Variants in FNIP1 observed in about 807,000 individuals in gnomAD.
FNIP1 encodes folliculin interacting protein 1, also known as folliculin-interacting protein 1.
Under a neutral mutation model 124.5 loss-of-function variants are expected in FNIP1, and 40 were observed. The ratio of observed to expected loss-of-function variants is 0.32; its 90% confidence interval spans 0.25 to 0.42. The LOEUF (loss-of-function observed/expected upper bound fraction) is 0.42. Among genes scored for constraint, FNIP1 ranks in the 10% least tolerant of loss-of-function variants. FNIP1 has a pLI of 1.00. For synonymous variants in FNIP1, 472 were observed against 470.6 expected, an observed-to-expected ratio of 1.00 and a Z score of -0.04; for missense variants, 1,176 against 1,403.7, an observed-to-expected ratio of 0.84 and a Z score of 2.59.
chr5:131,781,818 T>A (rs1215467850), intron 1 of FNIP1, among the ~76,000 whole-genome samples: 1 of 152,030 alleles, frequency 6.6e-6, no homozygotes, highest in African/African-American at 2.4e-5. Context: ...GACTTTCAAG[T>A]CTTACTAATT....
At chr5:131,751,334 G>A (rs1204817219) in intron 1 of FNIP1, among the ~76,000 whole-genome samples, 1 of 151,898 alleles carries the variant, frequency 6.6e-6, no homozygotes, top group East Asian at 1.9e-4. Context: ...ACTGAGTTTT[G>A]GGATTACACT....
chr5:131,793,903 A>T (rs1772490133), intron 1 of FNIP1, among the ~76,000 whole-genome samples: 1 of 152,194 alleles, frequency 6.6e-6, no homozygotes, highest in African/African-American at 2.4e-5. Flanking sequence ...ACTAGAATGA[A>T]AACAAAATGT....
chr5:131,658,219 C>T (rs1315309637), intron 15 of FNIP1, among the ~76,000 whole-genome samples: 2 of 152,182 alleles, frequency 1.3e-5, no homozygotes, highest in African/African-American at 2.4e-5. Flanking sequence ...GTTAGACAAT[C>T]TAGCAGAAGG....
intron 6 of FNIP1, among the ~76,000 whole-genome samples, chr5:131,715,004 T>C (rs1769418463): frequency 6.6e-6 from 1 of 152,116 alleles, no homozygotes; most frequent in Non-Finnish European, 1.5e-5. Flanking sequence ...AAATAAGAAA[T>C]GGTAGACACA....
chr5:131,726,584 T>C (rs1424183930), intron 3 of FNIP1, among the ~76,000 whole-genome samples: 7 of 152,170 alleles, frequency 4.6e-5, no homozygotes, highest in Admixed American at 3.9e-4. Flanking sequence ...TGGCTAGTGG[T>C]CTATTTTGTT....
At chr5:131,755,230 G>A (rs1223568021) in intron 1 of FNIP1, among the ~76,000 whole-genome samples, 4 of 152,094 alleles carry the variant, frequency 2.6e-5, no homozygotes, top group African/African-American at 9.7e-5. Context: ...AGATCAGCCT[G>A]GCCAACATGG....
intron 11 of FNIP1, among the ~76,000 whole-genome samples, chr5:131,697,585 T>G (rs1768743417): frequency 6.6e-6 from 1 of 152,048 alleles, no homozygotes; most frequent in African/African-American, 2.4e-5. Context: ...AACACTAAAT[T>G]TAAAAAGTAT....
chr5:131,671,997 T>G lies in FNIP1; in HGVS notation c.2447A>C (p.Glu816Ala), dbSNP rs1767768559. ...CCAACAGGGAAGTTCACAGGGCTCT[T>G]CAGAAACCATGTTCTGTGTATCAGA... is the stretch of plus-strand genomic sequence containing the variant. ...GESDTQNMVS[E>A]EPCELPCWNH... The change falls in exon 14 of 18, where the codon GAA becomes GCA. Residue 816 changes from glutamate (E) to alanine (A), a missense_variant. Glu to Ala is a moderately radical substitution (Grantham distance 107). Coordinates refer to ENST00000510461, the MANE Select transcript of FNIP1 (RefSeq NM_133372.3). 3 of 1,614,084 alleles carry G rather than the reference T, an allele frequency of 1.9e-6. No individual in the cohort carries two copies. The Admixed American group carries it at 5.0e-5, about 27-fold the overall frequency.
chr5:131,669,125 C>T (rs1026396475), intron 15 of FNIP1, among the ~76,000 whole-genome samples: 17 of 151,920 alleles, frequency 1.1e-4, no homozygotes, highest in African/African-American at 4.1e-4. Flanking sequence ...CTAATAAATT[C>T]CTAAAAGACA....
chr5:131,719,170 G>A (rs1769571682), intron 4 of FNIP1, 110 bp from the exon 5 acceptor site: 2 of 1,152,574 alleles, frequency 1.7e-6, no homozygotes, highest in Non-Finnish European at 2.5e-6. Flanking sequence ...ATAGCTGCAA[G>A]AGCCATGAAG....
chr5:131,692,787 C>G (rs574560787), intron 11 of FNIP1, among the ~76,000 whole-genome samples: 3 of 151,950 alleles, frequency 2.0e-5, no homozygotes, highest in East Asian at 1.9e-4. Flanking sequence ...GTGGGCAGAT[C>G]GCTTGAGGCC....
intron 8 of FNIP1, 30 bp downstream of exon 8, chr5:131,709,171 A>T (rs1017051895): frequency 6.3e-7 from 1 of 1,588,636 alleles, no homozygotes; most frequent in Non-Finnish European, 8.6e-7. Context: ...GTAATCTCAT[A>T]AAAAACTGAA....
At chr5:131,733,038 C>G (rs1770152826) in intron 2 of FNIP1, among the ~76,000 whole-genome samples, 1 of 152,054 alleles carries the variant, frequency 6.6e-6, no homozygotes, top group Non-Finnish European at 1.5e-5. Context: ...TTGAAGAGGT[C>G]CTTCACATCC....
chr5:131,752,067 A>C (rs565708852), intron 1 of FNIP1, among the ~76,000 whole-genome samples: 11 of 152,214 alleles, frequency 7.2e-5, no homozygotes, highest in African/African-American at 2.6e-4. Flanking sequence ...TTTGGAGACA[A>C]GAGTTTCGCT....
chr5:131,652,177 T>G (rs1767059009), intron 15 of FNIP1, among the ~76,000 whole-genome samples, 178 bp from the exon 16 acceptor site: 1 of 152,090 alleles, frequency 6.6e-6, no homozygotes, highest in Non-Finnish European at 1.5e-5. Context: ...TGAGACATAT[T>G]ATAGATATCA....
chr5:131,649,586 T>C (rs1262251622), intron 16 of FNIP1, among the ~76,000 whole-genome samples: 1 of 152,220 alleles, frequency 6.6e-6, no homozygotes, highest in East Asian at 1.9e-4. Context: ...TTGCAAATAT[T>C]TTCTATTTTA....
intron 1 of FNIP1, among the ~76,000 whole-genome samples, chr5:131,764,104 C>A (rs989799830): frequency 2.0e-5 from 3 of 151,860 alleles, no homozygotes; most frequent in Admixed American, 1.3e-4. Context: ...TTTGCTCCTG[C>A]TCTAGCCATG....
In FNIP1 at chr5:131,706,504, T is replaced by G; in HGVS notation, c.821A>C (p.Asn274Thr). The change falls in exon 9 of 18, where the codon AAC becomes ACC. Residue 274 changes from asparagine (N) to threonine (T), a missense_variant. Asn to Thr is a moderately conservative substitution (Grantham distance 65). Transcript: ENST00000510461. ...SLLITPFPSPNSSLTRSCASS... is the reference protein window; with the variant it reads ...SLLITPFPSPTSSLTRSCASS... ...GGCACAACTTCGGGTAAGTGAGGAG[T>G]TTGGGGAAGGAAATGGAGTGATCAG... The G allele has an allele frequency of 6.2e-7, 1 of 1,612,374 alleles. No individual in the cohort carries two copies. The highest frequency in any genetic ancestry group is 1.3e-5 in the African/African-American group (1 of 74,840).
chr5:131,762,421 A>G (rs1158454495), intron 1 of FNIP1, among the ~76,000 whole-genome samples: 1 of 152,180 alleles, frequency 6.6e-6, no homozygotes, highest in African/African-American at 2.4e-5. Context: ...AAATAATCCA[A>G]TTAAACATAG....
Sources: allele counts gnomAD v4.1 joint callset (sites outside exome capture counted in the v4.1 genomes callset), GRCh38; gene constraint gnomAD v4.1.1; transcripts MANE v1.5; gene names NCBI Gene and HGNC (gene_info 2026-07-23, HGNC 2026-07-21).